The following PODXL variants were observed in gnomAD, a reference collection of about 807,000 sequenced individuals.
PODXL encodes podocalyxin like.
In PODXL, 20 loss-of-function variants were observed where a neutral mutation model predicts 48.9. The ratio of observed to expected loss-of-function variants is 0.41; its 90% CI spans 0.29 to 0.59. The LOEUF is 0.59. PODXL is among the 20% of genes least tolerant of loss of function. The pLI is 0.31. For missense variants in PODXL, 606 were observed against 675.1 expected (o/e 0.90, Z 1.13); for synonymous variants, 295 against 287.4 (o/e 1.03, Z -0.27).
intron 1 of PODXL, among the ~76,000 whole-genome samples, chr7:131,536,942 T>C (rs1406817698): frequency 2.6e-5 from 4 of 151,756 alleles, no homozygotes; most frequent in African/African-American, 9.7e-5. Context: ...CTGGCCAACA[T>C]GGTGAAACCC....
chr7:131,514,753 C>T (rs909181977), intron 1 of PODXL, among the ~76,000 whole-genome samples: 2 of 151,908 alleles, frequency 1.3e-5, no homozygotes, highest in African/African-American at 2.4e-5. Flanking sequence ...ACCACAAGCA[C>T]GCACCACCAC....
intron 5 of PODXL, 52 bp from the exon 6 acceptor site, chr7:131,506,778 G>A (rs1210837039): frequency 6.4e-7 from 1 of 1,551,018 alleles, no homozygotes; most frequent in Non-Finnish European, 8.7e-7. Flanking sequence ...CAGCAGCCTA[G>A]GCCTGTGGGG....
chr7:131,555,235 G>A (rs1287682088), intron 1 of PODXL, among the ~76,000 whole-genome samples: 2 of 152,148 alleles, frequency 1.3e-5, no homozygotes, highest in Non-Finnish European at 2.9e-5. Flanking sequence ...TGGCCCTAGG[G>A]TGATCACACC....
rs750404956 is a variant in PODXL, at chr7:131,556,275, ACGGCGACGGCGACGG to A, written c.70_84del (p.Pro24_Pro28del). Reference sequence around the variant, plus strand: ...GGCCACTCACCATTCTGGGAGGGCGACGGCGACGGCGACGGCGACGACGGCAGCAGCGGCGGCGTT... The same window carrying A: ...GGCCACTCACCATTCTGGGAGGGCGACGACGACGGCAGCAGCGGCGGCGTT... On this transcript the variant is annotated inframe_deletion, in exon 1 of 9. Coordinates refer to ENST00000378555, the MANE Select transcript of PODXL (RefSeq NM_001018111.3). The A allele has an allele frequency of 2.0e-4, 153 of 780,460 alleles. No homozygotes were observed. Among genetic ancestry groups the A allele is most frequent in the South Asian group, 1.1e-3 (36 of 33,056 alleles). 48.3% of individuals were successfully genotyped at this position (780,460 alleles called of 1,614,324 possible).
At chr7:131,529,549 C>T (rs1194627112) in intron 1 of PODXL, among the ~76,000 whole-genome samples, 4 of 151,966 alleles carry the variant, frequency 2.6e-5, no homozygotes, top group Non-Finnish European at 4.4e-5. Context: ...GGCCTGGACA[C>T]CAGTATCGAC....
At position 131,556,551 on chromosome 7, in the gene PODXL, G is replaced by A. The variant is rs1394903500; in HGVS notation, c.-192C>T. 4 of 607,218 alleles carry A rather than the reference G, an allele frequency of 6.6e-6. No individual in the cohort carries two copies. The highest frequency in any genetic ancestry group is 4.6e-5 in the Admixed American group (1 of 21,738). 37.6% of individuals were successfully genotyped at this position (607,218 alleles called of 1,614,324 possible). A position where few individuals can be genotyped will look rare whatever the true frequency, so the allele number is the denominator to read the frequency against. ...TGCCGCTGCAGCAGAGCCGGGCTGGGGCGCAGAGCCAGTGGCAGAGGAGCG... is the reference window on the plus strand; with the variant it reads ...TGCCGCTGCAGCAGAGCCGGGCTGGAGCGCAGAGCCAGTGGCAGAGGAGCG... On this transcript the variant is annotated 5_prime_UTR_variant, in exon 1 of 9. Coordinates refer to ENST00000378555, the MANE Select transcript of PODXL (RefSeq NM_001018111.3).
intron 1 of PODXL, among the ~76,000 whole-genome samples, chr7:131,523,701 A>G (rs1308791376): frequency 1.1e-5 from 1 of 90,794 alleles, no homozygotes; most frequent in African/African-American, 9.3e-5. Context: ...AAAAAAAAAA[A>G]ACAAGAAAAG....
intron 1 of PODXL, among the ~76,000 whole-genome samples, chr7:131,547,465 A>G (rs1010761171): frequency 1.3e-5 from 2 of 150,588 alleles, no homozygotes; most frequent in Non-Finnish European, 2.9e-5. Flanking sequence ...AGCCCTTGCT[A>G]TGGAGGAGGG....
intron 1 of PODXL, among the ~76,000 whole-genome samples, chr7:131,518,901 C>A (rs571958348): frequency 5.3e-5 from 8 of 152,190 alleles, no homozygotes; most frequent in Non-Finnish European, 1.0e-4. Context: ...TCTTGCCCAT[C>A]TGATTACCCA....
chr7:131,542,092 C>T (rs1265330674), intron 1 of PODXL, among the ~76,000 whole-genome samples: 2 of 152,208 alleles, frequency 1.3e-5, no homozygotes, highest in East Asian at 1.9e-4. Flanking sequence ...ATATTTCCCT[C>T]TGAAGTTTTG....
intron 1 of PODXL, among the ~76,000 whole-genome samples, chr7:131,521,171 A>AC (rs1001540814): frequency 1.8e-4 from 28 of 151,566 alleles, no homozygotes; most frequent in Non-Finnish European, 3.1e-4. Flanking sequence ...AAAAAAAAAA[A>AC]AGCTGAGAAG....
At chr7:131,540,861 C>T (rs1798468750) in intron 1 of PODXL, among the ~76,000 whole-genome samples, 1 of 152,202 alleles carries the variant, frequency 6.6e-6, no homozygotes, top group African/African-American at 2.4e-5. Flanking sequence ...GTGGGATAGT[C>T]ACCTCTGAAA....
At chr7:131,532,123 A>AATAATAATAATC (rs1798289258) in intron 1 of PODXL, among the ~76,000 whole-genome samples, 1 of 147,954 alleles carries the variant, frequency 6.8e-6, no homozygotes, top group Non-Finnish European at 1.5e-5. Context: ...TAATAATAAT[A>AATAATAATAATC]ATCATCATCA....
chr7:131,514,091 A>C (rs773496094), intron 1 of PODXL, among the ~76,000 whole-genome samples: 6 of 152,208 alleles, frequency 3.9e-5, no homozygotes, highest in Non-Finnish European at 7.3e-5. Context: ...CTGCTGCCAG[A>C]GTATGAAAGG....
chr7:131,528,281 T>C (rs1055831556), intron 1 of PODXL, among the ~76,000 whole-genome samples: 2 of 152,192 alleles, frequency 1.3e-5, no homozygotes, highest in Non-Finnish European at 2.9e-5. Context: ...AAGTTTACAT[T>C]TGACAGCTTT....
chr7:131,539,959 G>A (rs1320023413), intron 1 of PODXL, among the ~76,000 whole-genome samples: 1 of 152,176 alleles, frequency 6.6e-6, no homozygotes, highest in African/African-American at 2.4e-5. Context: ...TTAGCATATT[G>A]GCCAGACTCT....
In PODXL at chr7:131,544,646, C is replaced by T. The variant is rs1643252; in HGVS notation, c.100+11614G>A. Among the ~76,000 whole-genome samples the T allele has an allele frequency of 1.8e-4, 3 of 16,790 alleles. No individual in the cohort carries two copies. The South Asian group carries it at 8.0e-3, about 45-fold the overall frequency. The allele number at this position is 16,790 out of a possible 152,430, so 11.0% of individuals were successfully genotyped here. The stretch of plus-strand genomic sequence containing the variant: ...GGGAGCAGCAGGGCCTCCGCACGCA[C>T]GCCCTGTACTACGCACGCACGCCCT... On this transcript the variant is annotated intron_variant, in intron 1 of 8. Coordinates refer to ENST00000378555, the MANE Select transcript of PODXL (RefSeq NM_001018111.3).
intron 1 of PODXL, among the ~76,000 whole-genome samples, chr7:131,527,208 T>A (rs1213179929): frequency 2.0e-5 from 3 of 152,140 alleles, no homozygotes; most frequent in Non-Finnish European, 4.4e-5. Context: ...CTGACAGTAG[T>A]ATGGATAAAT....
intron 1 of PODXL, among the ~76,000 whole-genome samples, chr7:131,515,568 A>AT (rs1466500998): frequency 6.6e-6 from 1 of 151,970 alleles, no homozygotes; most frequent in Admixed American, 6.6e-5. Flanking sequence ...TGCCCAACTA[A>AT]TTTTTTGTAT....
Sources: gnomAD v4.1 joint callset for allele counts (sites outside exome capture counted in the v4.1 genomes callset) on GRCh38, gnomAD v4.1.1 for gene constraint, MANE v1.5 for transcripts, NCBI Gene and HGNC (gene_info 2026-07-23, HGNC 2026-07-21) for gene names.